The following LAMA2 variants were observed in gnomAD, a reference collection of about 807,000 sequenced individuals.
LAMA2 encodes laminin subunit alpha 2, also known as laminin subunit alpha-2.
A neutral mutation model predicts 364.8 loss-of-function variants in LAMA2; 269 were observed. The observed-to-expected ratio is 0.74, with a 90% CI of 0.67 to 0.82. LAMA2 has a LOEUF of 0.82. Ranked by LOEUF, LAMA2 falls within the 40% of genes least tolerant of loss-of-function variation. The probability of loss-of-function intolerance (pLI) is 0.00; values close to 1 mark genes in which losing one functional copy is unlikely to be tolerated. For synonymous variants in LAMA2, 1,379 were observed against 1,370.6 expected (o/e 1.01, Z -0.14); for missense variants, 3,807 against 3,873.2 (o/e 0.98, Z 0.45).
At chr6:129,017,755 G>T (rs1651494045) in intron 1 of LAMA2, among the ~76,000 whole-genome samples, 1 of 151,892 alleles carries the variant, frequency 6.6e-6, no homozygotes, top group Non-Finnish European at 1.5e-5. Flanking sequence ...TATTGATGAA[G>T]TGTTTTTTCT....
intron 45 of LAMA2, among the ~76,000 whole-genome samples, chr6:129,450,872 G>C (rs1782642021): frequency 6.6e-6 from 1 of 152,142 alleles, no homozygotes; most frequent in Non-Finnish European, 1.5e-5. Flanking sequence ...CTCTTATGAT[G>C]TCAATGGTAC....
intron 1 of LAMA2, among the ~76,000 whole-genome samples, chr6:128,984,768 G>C (rs1460979226): frequency 6.6e-6 from 1 of 151,790 alleles, no homozygotes; most frequent in Non-Finnish European, 1.5e-5. Context: ...ACATGGTTTA[G>C]TTAAATTTTA....
At chr6:129,161,310 A>G (rs1779426278) in intron 8 of LAMA2, among the ~76,000 whole-genome samples, 1 of 152,098 alleles carries the variant, frequency 6.6e-6, no homozygotes, top group African/African-American at 2.4e-5. Flanking sequence ...AAAGAGTAAA[A>G]TAGATGGATT....
intron 40 of LAMA2, among the ~76,000 whole-genome samples, chr6:129,423,329 A>G (rs2114733079): frequency 6.6e-6 from 1 of 152,202 alleles, no homozygotes; most frequent in Non-Finnish European, 1.5e-5. Context: ...ACAAGGGGCA[A>G]GAAAAAGGAA....
intron 9 of LAMA2, among the ~76,000 whole-genome samples, chr6:129,173,396 A>G (rs1157636169): frequency 6.6e-6 from 1 of 152,178 alleles, no homozygotes. Flanking sequence ...ATCATGTTCA[A>G]GAGAGCTTAC....
intron 12 of LAMA2, among the ~76,000 whole-genome samples, chr6:129,197,134 C>T (rs771192773): frequency 3.9e-5 from 6 of 152,068 alleles, no homozygotes; most frequent in Non-Finnish European, 7.4e-5. Context: ...GATAGCAGGC[C>T]CTAAAAGAAA....
chr6:129,278,068 A>G lies in LAMA2; in HGVS notation c.2451-1993A>G, dbSNP rs539481918. ...AATACAAAAATGGGCCAGGCCTGGT[A>G]GCACCTGCCTGCAATCCCAGCTACT... On this transcript the variant is annotated intron_variant, in intron 17 of 64. Transcript: ENST00000421865. 1.2e-4 allele frequency among the ~76,000 whole-genome samples: 19 copies of G among 152,166 alleles called. No homozygotes were observed. In the South Asian group the frequency reaches 3.7e-3, roughly 30 times the overall value.
At chr6:128,991,959 C>G (rs1467839536) in intron 1 of LAMA2, among the ~76,000 whole-genome samples, 1 of 152,100 alleles carries the variant, frequency 6.6e-6, no homozygotes, top group African/African-American at 2.4e-5. Flanking sequence ...GCTTTATGAC[C>G]AGAACACATT....
At chr6:129,325,375 A>G (rs772659261) in intron 28 of LAMA2, among the ~76,000 whole-genome samples, 1 of 152,160 alleles carries the variant, frequency 6.6e-6, no homozygotes, top group Non-Finnish European at 1.5e-5. Flanking sequence ...GATGGGACTC[A>G]AAAAGTAACT....
intron 1 of LAMA2, among the ~76,000 whole-genome samples, chr6:128,896,480 G>A (rs1776785614): frequency 6.8e-6 from 1 of 146,068 alleles, no homozygotes; most frequent in Non-Finnish European, 1.5e-5. Context: ...CATCTTTATT[G>A]CTTTTGTAAA....
At chr6:129,289,570 C>A (rs1299006167) in intron 19 of LAMA2, among the ~76,000 whole-genome samples, 1 of 152,082 alleles carries the variant, frequency 6.6e-6, no homozygotes, top group Non-Finnish European at 1.5e-5. Context: ...CTTCCAATAA[C>A]CCCCACCCCC....
chr6:129,089,779 G>A (rs1192783944), intron 3 of LAMA2, among the ~76,000 whole-genome samples: 4 of 152,170 alleles, frequency 2.6e-5, no homozygotes, highest in South Asian at 4.1e-4. Context: ...GAAGCATGGC[G>A]TACTAAATGC....
chr6:129,499,275 T>TA (rs1785439234), intron 58 of LAMA2, among the ~76,000 whole-genome samples: 4 of 152,102 alleles, frequency 2.6e-5, no homozygotes. Context: ...TTTTTTTTTT[T>TA]ATTATTATTG....
At chr6:129,314,493 G>A (rs1490095321) in intron 23 of LAMA2, among the ~76,000 whole-genome samples, 162 bp from the exon 24 acceptor site, 3 of 151,608 alleles carry the variant, frequency 2.0e-5, no homozygotes, top group Non-Finnish European at 4.4e-5. Context: ...CTAACAATGA[G>A]GTTAACTACA....
intron 3 of LAMA2, among the ~76,000 whole-genome samples, chr6:129,074,726 G>GTGAATTTAAGGAATGTT (rs1773522127): frequency 6.6e-6 from 1 of 152,062 alleles, no homozygotes; most frequent in Non-Finnish European, 1.5e-5. Flanking sequence ...CTGAATTATT[G>GTGAATTTAAGGAATGTT]CTTCAATATT....
rs3062342 is a variant in LAMA2, at chr6:129,314,398, C to CAAA, written c.3412-238_3412-236dup. On this transcript the variant is annotated intron_variant, in intron 23 of 64. Coordinates refer to ENST00000421865, the MANE Select transcript of LAMA2 (RefSeq NM_000426.4). Reference sequence around the variant, plus strand: ...TGGGCGAAAGAGCGAGACTCCGTCTCAAAAAAAAAAAAAAAAAAAAAGTAC... The same window carrying CAAA: ...TGGGCGAAAGAGCGAGACTCCGTCTCAAAAAAAAAAAAAAAAAAAAAAAAGTAC... Among the ~76,000 whole-genome samples the CAAA allele has an allele frequency of 3.2e-3, 260 of 81,860 alleles. 21 individuals are homozygous for CAAA. Among genetic ancestry groups the CAAA allele is most frequent in the Middle Eastern group, 0.029 (2 of 70 alleles). 53.7% of individuals were successfully genotyped at this position (81,860 alleles called of 152,430 possible).
At chr6:129,298,008 A>T in intron 21 of LAMA2, 143 bp downstream of exon 21, 1 of 451,668 alleles carries the variant, frequency 2.2e-6, no homozygotes, top group Non-Finnish European at 3.4e-6. Context: ...TTTTTACGTT[A>T]CTTAAAAAAT....
chr6:129,360,150 GT>G (rs1309391014), intron 32 of LAMA2, among the ~76,000 whole-genome samples: 3 of 152,130 alleles, frequency 2.0e-5, no homozygotes, highest in African/African-American at 7.2e-5. Context: ...TTGGAGAATG[GT>G]TTGGAAAGGT....
At chr6:129,297,979 A>T (rs1773300619) in intron 21 of LAMA2, 114 bp downstream of exon 21, 4 of 869,912 alleles carry the variant, frequency 4.6e-6, no homozygotes, top group Non-Finnish European at 7.5e-6. Flanking sequence ...TATTTAACAT[A>T]ATGAGTAATG....
Sources: allele counts gnomAD v4.1 joint callset (sites outside exome capture counted in the v4.1 genomes callset), GRCh38; gene constraint gnomAD v4.1.1; transcripts MANE v1.5; gene names NCBI Gene and HGNC (gene_info 2026-07-23, HGNC 2026-07-21).